The following EYA3 variants were observed in gnomAD, a reference collection of about 807,000 sequenced individuals.
EYA3 encodes protein phosphatase EYA3.
In EYA3, 39 loss-of-function variants were observed where a neutral mutation model predicts 80.0. The ratio of observed to expected loss-of-function variants is 0.49; its 90% CI spans 0.38 to 0.64. EYA3 has a LOEUF of 0.64. Among genes scored for constraint, EYA3 ranks in the 30% least tolerant of loss-of-function variants. EYA3 has a pLI of 0.00. For missense variants in EYA3, 523 were observed against 676.1 expected (o/e 0.77, Z 2.51); for synonymous variants, 206 against 232.8 (o/e 0.88, Z 1.05).
chr1:28,002,989 G>C, intron 11 of EYA3, among the ~76,000 whole-genome samples: 1 of 151,536 alleles, frequency 6.6e-6, no homozygotes, highest in East Asian at 1.9e-4. Flanking sequence ...GGGCGCAGTG[G>C]CTCACGCTTG....
intron 7 of EYA3, among the ~76,000 whole-genome samples, chr1:28,019,322 T>C (rs1323423668): frequency 1.3e-5 from 2 of 152,360 alleles, no homozygotes; most frequent in Middle Eastern, 3.4e-3. Flanking sequence ...AAATAGGTTT[T>C]ATAGCTTTAC....
intron 1 of EYA3, among the ~76,000 whole-genome samples, chr1:28,074,653 T>C (rs1362265698): frequency 6.6e-6 from 1 of 152,280 alleles, no homozygotes; most frequent in African/African-American, 2.4e-5. Flanking sequence ...TTAAAGTCTT[T>C]GCCTAATACT....
intron 6 of EYA3, among the ~76,000 whole-genome samples, chr1:28,029,947 T>C (rs995122144): frequency 2.9e-4 from 44 of 152,130 alleles, no homozygotes; most frequent in African/African-American, 1.1e-3. Context: ...CTATGGTTAC[T>C]GGGTTAGTGT....
At chr1:28,011,598 T>C (rs1241454519) in intron 9 of EYA3, among the ~76,000 whole-genome samples, 2 of 152,124 alleles carry the variant, frequency 1.3e-5, no homozygotes, top group African/African-American at 2.4e-5. Context: ...ACCAATTTAC[T>C]ATAAAATACA....
intron 16 of EYA3, among the ~76,000 whole-genome samples, chr1:27,982,909 T>TA (rs1388758341): frequency 6.6e-6 from 1 of 152,232 alleles, no homozygotes; most frequent in Non-Finnish European, 1.5e-5. Flanking sequence ...TAATTTTACT[T>TA]AATCCACTTT....
chr1:28,052,696 C>A (rs1644293744), intron 2 of EYA3, among the ~76,000 whole-genome samples: 1 of 151,798 alleles, frequency 6.6e-6, no homozygotes, highest in African/African-American at 2.4e-5. Flanking sequence ...GTAATCCCAA[C>A]ACTTTGGGAG....
Position 28,057,990 on chromosome 1 carries a change from T to G in EYA3, c.33+4A>C, listed in dbSNP as rs913693117. ...AACTTTAAACTGTTAAAGGAAATAC[T>G]TACTGGTTGCTCTGGTAAATCTTGC... On this transcript the variant is annotated splice_donor_region_variant and intron_variant, in intron 2 of 17. Transcript: ENST00000373871. 6.3e-6 allele frequency: 10 copies of G among 1,577,452 alleles called. No individual in the cohort carries two copies. Among genetic ancestry groups the G allele is most frequent in the African/African-American group, 1.3e-5 (1 of 74,378 alleles).
At chr1:28,039,037 C>A (rs955852343) in intron 4 of EYA3, 132 bp from the exon 5 acceptor site, 1 of 492,932 alleles carries the variant, frequency 2.0e-6, no homozygotes. Flanking sequence ...GATAGAAAGA[C>A]TATGTGGTAG....
intron 17 of EYA3, among the ~76,000 whole-genome samples, chr1:27,975,764 G>A (rs1484689356): frequency 1.3e-5 from 2 of 151,782 alleles, no homozygotes; most frequent in East Asian, 3.9e-4. Flanking sequence ...GATTACAGGC[G>A]TGAGCCACCG....
In EYA3 at chr1:28,000,030, C is replaced by T. The variant is rs750256943; in HGVS notation, c.1013G>A (p.Gly338Asp). The stretch of plus-strand genomic sequence containing the variant: ...CATTTCTTCCATTGTTAAACCTGAG[C>T]CAATCACTACTGTTGGGTCCTAGAA... ...KYGKDPTVVI[G>D]SGLTMEEMIF... The change falls in exon 12 of 18, where the codon GGC becomes GAC. Residue 338 changes from glycine (G) to aspartate (D), a missense_variant. Coordinates refer to ENST00000373871, the MANE Select transcript of EYA3 (RefSeq NM_001990.4). 6.2e-7 allele frequency: 1 copy of T among 1,609,370 alleles called. No homozygotes were observed. The highest frequency in any genetic ancestry group is 8.5e-7 in the Non-Finnish European group (1 of 1,177,876).
intron 8 of EYA3, among the ~76,000 whole-genome samples, chr1:28,016,930 A>G (rs1642106803): frequency 6.6e-6 from 1 of 152,334 alleles, no homozygotes; most frequent in African/African-American, 2.4e-5. Context: ...CAGTAAAGAA[A>G]CAGACATAAC....
Position 27,988,557 on chromosome 1 carries a change from G to A in EYA3, c.1518C>T (p.Asn506=). 6.2e-7 allele frequency: 1 copy of A among 1,614,036 alleles called. No individual in the cohort carries two copies. The highest frequency in any genetic ancestry group is 2.2e-5 in the East Asian group (1 of 44,870). ...YGLGEIFPIE[N]IYSATKIGKE... ...TACCAATTTTGGTAGCACTATAGAT[G>A]TTCTCAATAGGAAATATTTCTCCTA... The change falls in exon 16 of 18, where the codon AAC becomes AAT. Residue 506 remains asparagine, a synonymous_variant. Transcript: ENST00000373871.
At chr1:28,003,836 A>AC (rs1366773091) in intron 11 of EYA3, among the ~76,000 whole-genome samples, 2 of 152,200 alleles carry the variant, frequency 1.3e-5, no homozygotes, top group Non-Finnish European at 1.5e-5. Context: ...ACTGATATGT[A>AC]CACTGAAGAT....
chr1:28,061,701 G>A (rs907994096), intron 1 of EYA3, among the ~76,000 whole-genome samples: 13 of 151,942 alleles, frequency 8.6e-5, no homozygotes, highest in Non-Finnish European at 1.8e-4. Context: ...CCAGGTTCAC[G>A]CCATTCTCCT....
At chr1:28,069,885 AAC>A (rs1644963442) in intron 1 of EYA3, among the ~76,000 whole-genome samples, 1 of 152,212 alleles carries the variant, frequency 6.6e-6, no homozygotes, top group African/African-American at 2.4e-5. Flanking sequence ...GCAGACATTT[AAC>A]ACACATACAG....
At chr1:28,081,504 T>G (rs2148956011) in intron 1 of EYA3, among the ~76,000 whole-genome samples, 1 of 152,338 alleles carries the variant, frequency 6.6e-6, no homozygotes, top group Admixed American at 6.5e-5. Flanking sequence ...GATATTTAGG[T>G]ACTATTTTTT....
intron 10 of EYA3, among the ~76,000 whole-genome samples, chr1:28,007,808 C>A (rs1641402002): frequency 2.0e-5 from 3 of 152,074 alleles, no homozygotes; most frequent in Non-Finnish European, 2.9e-5. Flanking sequence ...GTAAAGAAGA[C>A]AATACTACCC....
chr1:28,084,974 G>A (rs772657063), intron 1 of EYA3, among the ~76,000 whole-genome samples: 156 of 152,110 alleles, frequency 1.0e-3, no homozygotes, highest in Non-Finnish European at 8.7e-4. Context: ...GTTACATGCA[G>A]AACAGAAATA....
At chr1:28,052,960 G>C (rs956267670) in intron 2 of EYA3, among the ~76,000 whole-genome samples, 3 of 151,528 alleles carry the variant, frequency 2.0e-5, no homozygotes, top group African/African-American at 7.3e-5. Context: ...TCTGAGACCA[G>C]CTGGGCAACA....
Sources: gnomAD v4.1 joint callset for allele counts (sites outside exome capture counted in the v4.1 genomes callset) on GRCh38, gnomAD v4.1.1 for gene constraint, MANE v1.5 for transcripts, NCBI Gene and HGNC (gene_info 2026-07-23, HGNC 2026-07-21) for gene names.